The following CCSER1 variants were observed in gnomAD, a reference collection of about 807,000 sequenced individuals.
The protein encoded by CCSER1 is coiled-coil serine rich protein 1.
Under a neutral mutation model 82.0 loss-of-function variants are expected in CCSER1, and 41 were observed. The ratio of observed to expected loss-of-function variants is 0.50; its 90% confidence interval spans 0.39 to 0.65. The LOEUF (loss-of-function observed/expected upper bound fraction) is 0.65, where lower values mean the gene tolerates loss of function less well. Among genes scored for constraint, CCSER1 ranks in the 30% least tolerant of loss-of-function variants. CCSER1 has a pLI of 0.00. For missense variants in CCSER1, 1,119 were observed against 1,064.2 expected, an observed-to-expected ratio of 1.05 and a Z score of -0.72; for synonymous variants, 414 against 383.9, an observed-to-expected ratio of 1.08 and a Z score of -0.92.
chr4:91,396,091 A>G (rs1751963294), intron 10 of CCSER1, among the ~76,000 whole-genome samples: 1 of 152,100 alleles, frequency 6.6e-6, no homozygotes, highest in Non-Finnish European at 1.5e-5. Context: ...AAATAAACAT[A>G]AGTTATTTAG....
chr4:90,975,685 T>C (rs1196605126), intron 9 of CCSER1, among the ~76,000 whole-genome samples: 1 of 151,262 alleles, frequency 6.6e-6, no homozygotes, highest in Non-Finnish European at 1.5e-5. Context: ...TTTTTGTTGC[T>C]AAACAGATGA....
chr4:90,492,293 G>T (rs1768165720), intron 5 of CCSER1, among the ~76,000 whole-genome samples: 1 of 152,126 alleles, frequency 6.6e-6, no homozygotes, highest in Non-Finnish European at 1.5e-5. Flanking sequence ...AGATTTTCTA[G>T]TTGGTTTGCA....
At chr4:91,046,454 A>T (rs899703644) in intron 9 of CCSER1, among the ~76,000 whole-genome samples, 1 of 152,152 alleles carries the variant, frequency 6.6e-6, no homozygotes. Context: ...AATCATTCAA[A>T]TTGAACTACT....
chr4:90,923,419 CCA>C lies in CCSER1; in HGVS notation c.2149_2150del (p.Gln717AspfsTer2). On this transcript the variant is annotated frameshift_variant, in exon 9 of 11. Coordinates refer to ENST00000509176, the MANE Select transcript of CCSER1 (RefSeq NM_001145065.2). LOFTEE classifies it high-confidence loss of function. ...GCTTTTGCTTCAAGAGTAGATAAAT[CCA>C]CACAGACTGAACTACTATGCTATGA... The C allele has an allele frequency of 6.4e-7, 1 of 1,551,226 alleles. No homozygotes were observed. Among genetic ancestry groups the C allele is most frequent in the Non-Finnish European group, 8.7e-7 (1 of 1,146,666 alleles).
chr4:90,558,279 A>T (rs1021458391), intron 5 of CCSER1, among the ~76,000 whole-genome samples: 3 of 152,220 alleles, frequency 2.0e-5, no homozygotes, highest in Non-Finnish European at 4.4e-5. Flanking sequence ...AAAAACAATT[A>T]TTCTTGAAAC....
chr4:91,147,226 T>A (rs2148943083), intron 10 of CCSER1, among the ~76,000 whole-genome samples: 1 of 152,242 alleles, frequency 6.6e-6, no homozygotes, highest in Admixed American at 6.5e-5. Flanking sequence ...GGTGTGCAAC[T>A]GGTGTGGCAC....
intron 9 of CCSER1, among the ~76,000 whole-genome samples, chr4:90,970,284 A>C (rs1734974175): frequency 6.6e-6 from 1 of 151,954 alleles, no homozygotes; most frequent in Admixed American, 6.6e-5. Flanking sequence ...AATGGTAACC[A>C]AAAGACAGTA....
chr4:91,183,709 G>A (rs988122864), intron 10 of CCSER1, among the ~76,000 whole-genome samples: 5 of 152,176 alleles, frequency 3.3e-5, no homozygotes, highest in Non-Finnish European at 7.3e-5. Flanking sequence ...ACACCAGTAG[G>A]TGAATGCTGA....
chr4:90,638,251 T>A (rs1042754648), intron 6 of CCSER1, among the ~76,000 whole-genome samples: 6 of 152,288 alleles, frequency 3.9e-5, no homozygotes, highest in East Asian at 1.9e-4. Context: ...TAATTTTTTT[T>A]AATCTCAAAT....
At chr4:90,275,587 A>C (rs1727395214) in intron 1 of CCSER1, among the ~76,000 whole-genome samples, 1 of 152,116 alleles carries the variant, frequency 6.6e-6, no homozygotes, top group Admixed American at 6.5e-5. Context: ...CCTTCGACAA[A>C]AATTTTAAGT....
At chr4:90,506,066 C>G (rs765013133) in intron 5 of CCSER1, among the ~76,000 whole-genome samples, 28 of 152,074 alleles carry the variant, frequency 1.8e-4, no homozygotes, top group Non-Finnish European at 3.4e-4. Flanking sequence ...CAACTTCTAC[C>G]CTCTGTACCT....
At chr4:90,722,035 A>G (rs1419933184) in intron 6 of CCSER1, among the ~76,000 whole-genome samples, 2 of 151,658 alleles carry the variant, frequency 1.3e-5, no homozygotes, top group Non-Finnish European at 3.0e-5. Flanking sequence ...GCTTTTTACT[A>G]CCCTTTGATT....
intron 9 of CCSER1, among the ~76,000 whole-genome samples, chr4:91,052,237 A>G (rs1743070499): frequency 6.6e-6 from 1 of 152,044 alleles, no homozygotes; most frequent in Non-Finnish European, 1.5e-5. Context: ...TGATTAAAAC[A>G]CTTTTTCCAT....
chr4:91,468,578 C>A (rs954480703), intron 10 of CCSER1, among the ~76,000 whole-genome samples: 2 of 151,204 alleles, frequency 1.3e-5, no homozygotes, highest in African/African-American at 4.9e-5. Context: ...TAAAAAGAAG[C>A]AATCACAATG....
At chr4:91,100,861 G>A (rs1200987834) in intron 10 of CCSER1, among the ~76,000 whole-genome samples, 1 of 152,120 alleles carries the variant, frequency 6.6e-6, no homozygotes, top group Non-Finnish European at 1.5e-5. Context: ...AAGCTTAGTA[G>A]ATCTACTTCA....
At chr4:91,035,651 C>G (rs60759651) in intron 9 of CCSER1, among the ~76,000 whole-genome samples, 2,332 of 151,974 alleles carry the variant, frequency 0.015, 71 homozygotes, top group African/African-American at 0.053. Flanking sequence ...TTAAAAAAAG[C>G]TAGCACCCCA....
intron 3 of CCSER1, among the ~76,000 whole-genome samples, chr4:90,320,334 A>G (rs1231351251): frequency 6.6e-6 from 1 of 152,238 alleles, no homozygotes; most frequent in African/African-American, 2.4e-5. Context: ...CAGTTTTGAC[A>G]TTTTAACTTA....
chr4:90,750,250 C>A (rs547840370), intron 7 of CCSER1, among the ~76,000 whole-genome samples: 2 of 151,974 alleles, frequency 1.3e-5, no homozygotes, highest in Non-Finnish European at 2.9e-5. Flanking sequence ...GTTGCCTGTT[C>A]GCTCTGATGG....
intron 3 of CCSER1, among the ~76,000 whole-genome samples, chr4:90,353,575 G>T (rs911030024): frequency 6.6e-6 from 1 of 152,152 alleles, no homozygotes; most frequent in Non-Finnish European, 1.5e-5. Flanking sequence ...ACAAATAAGA[G>T]CACAGAAGAA....
Sources: allele counts gnomAD v4.1 joint callset (sites outside exome capture counted in the v4.1 genomes callset), GRCh38; gene constraint gnomAD v4.1.1; transcripts MANE v1.5; gene names NCBI Gene and HGNC (gene_info 2026-07-23, HGNC 2026-07-21).